Variants in PARD3 observed in about 807,000 individuals in gnomAD.
PARD3 encodes the protein par-3 family cell polarity regulator.
Under a neutral mutation model 155.4 loss-of-function variants are expected in PARD3, and 75 were observed. The observed-to-expected ratio is 0.48, with a 90% CI of 0.40 to 0.58. The LOEUF is 0.58. PARD3 is among the 20% of genes least tolerant of loss of function. PARD3 has a pLI of 0.00. For missense variants in PARD3, 1,642 were observed against 1,721.7 expected, an observed-to-expected ratio of 0.95 and a Z score of 0.82; for synonymous variants, 576 against 610.5, an observed-to-expected ratio of 0.94 and a Z score of 0.83.
chr10:34,331,269 ACTGCGGT>A lies in PARD3; in HGVS notation c.2674_2680del (p.Thr892LeufsTer4). The A allele has an allele frequency of 6.2e-7, 1 of 1,614,032 alleles. No homozygotes were observed. ...ATCCCCATTCAAAGTCACCTCGGCA[ACTGCGGT>A]CTGCAGACTCTCCAACGAGCTTGAC... is the stretch of plus-strand genomic sequence containing the variant. On this transcript the variant is annotated frameshift_variant, in exon 19 of 25. Transcript: ENST00000374788. LOFTEE classifies it high-confidence loss of function.
chr10:34,206,134 T>C (rs953665109), intron 22 of PARD3, among the ~76,000 whole-genome samples: 24 of 152,032 alleles, frequency 1.6e-4, no homozygotes, highest in African/African-American at 5.3e-4. Context: ...CTTAAGTCCA[T>C]GGAAGGGAGG....
At chr10:34,285,802 A>G (rs1476410903) in intron 20 of PARD3, among the ~76,000 whole-genome samples, 2 of 152,098 alleles carry the variant, frequency 1.3e-5, no homozygotes, top group Non-Finnish European at 2.9e-5. Flanking sequence ...AAATATGGAA[A>G]GGAAAGTATT....
At chr10:34,541,630 C>T (rs954788214) in intron 2 of PARD3, among the ~76,000 whole-genome samples, 1 of 152,176 alleles carries the variant, frequency 6.6e-6, no homozygotes, top group Non-Finnish European at 1.5e-5. Flanking sequence ...AGGGAGGAGG[C>T]CCCTGGGAAG....
chr10:34,281,193 T>C (rs996555092), intron 21 of PARD3, among the ~76,000 whole-genome samples: 14 of 152,098 alleles, frequency 9.2e-5, no homozygotes, highest in South Asian at 8.3e-4. Context: ...AAACCTTTCA[T>C]GTGGTGGAAA....
chr10:34,170,265 T>G (rs1949723950), intron 22 of PARD3, among the ~76,000 whole-genome samples: 1 of 152,104 alleles, frequency 6.6e-6, no homozygotes, highest in Admixed American at 6.5e-5. Context: ...TTTTAAAATT[T>G]CTTGTAGAGA....
intron 21 of PARD3, among the ~76,000 whole-genome samples, chr10:34,280,585 G>C (rs944843509): frequency 1.3e-5 from 2 of 152,190 alleles, no homozygotes; most frequent in African/African-American, 4.8e-5. Flanking sequence ...ACAGAAGCCA[G>C]AAAGTAGAGA....
intron 2 of PARD3, chr10:34,675,872 T>C: frequency 5.0e-6 from 1 of 200,130 alleles, no homozygotes; most frequent in Non-Finnish European, 1.1e-5. Context: ...CACGCGCTCA[T>C]CACAGTTGGA....
At chr10:34,767,040 G>GACTCCA (rs1838192103) in intron 1 of PARD3, among the ~76,000 whole-genome samples, 1 of 152,168 alleles carries the variant, frequency 6.6e-6, no homozygotes, top group Non-Finnish European at 1.5e-5. Flanking sequence ...CTCCTGCAGT[G>GACTCCA]TCATTCATAA....
chr10:34,624,977 AG>A (rs1293596731), intron 2 of PARD3, among the ~76,000 whole-genome samples: 2 of 152,188 alleles, frequency 1.3e-5, no homozygotes, highest in African/African-American at 4.8e-5. Context: ...TGGGCTGCAA[AG>A]ACATACAAGA....
chr10:34,219,454 A>AC lies in PARD3; in HGVS notation c.3419+50202dup, dbSNP rs34287689. ...CTCTTCCACTTTAGCGGGGGTATGC[A>AC]CCCCCCTCTTAATTATGAAACAAAG... is the stretch of plus-strand genomic sequence containing the variant. On this transcript the variant is annotated intron_variant, in intron 22 of 24. Transcript: ENST00000374788. 5.6e-4 allele frequency among the ~76,000 whole-genome samples: 86 copies of AC among 152,256 alleles called. 2 individuals are homozygous for AC. The East Asian group carries it at 0.014, about 26-fold the overall frequency.
At chr10:34,662,921 A>T (rs1564475311) in intron 2 of PARD3, among the ~76,000 whole-genome samples, 2 of 151,718 alleles carry the variant, frequency 1.3e-5, no homozygotes, top group Non-Finnish European at 2.9e-5. Flanking sequence ...TAAGTGAAAC[A>T]AGCCAGGCAC....
At chr10:34,601,549 G>A (rs959047331) in intron 2 of PARD3, among the ~76,000 whole-genome samples, 1 of 152,128 alleles carries the variant, frequency 6.6e-6, no homozygotes, top group Non-Finnish European at 1.5e-5. Flanking sequence ...TTTTTCACAT[G>A]GAAGTTAATT....
At chr10:34,355,019 G>C (rs1245233557) in intron 14 of PARD3, among the ~76,000 whole-genome samples, 1 of 152,174 alleles carries the variant, frequency 6.6e-6, no homozygotes, top group Non-Finnish European at 1.5e-5. Flanking sequence ...TGGGAGAGGG[G>C]AAAGAGGGGA....
rs117905303 is a variant in PARD3, at chr10:34,183,980, C to G, written c.3420-52397G>C. Among the ~76,000 whole-genome samples, 412 of 152,276 alleles carry G rather than the reference C, an allele frequency of 2.7e-3. 9 individuals are homozygous for G. The East Asian group carries it at 0.071, about 26-fold the overall frequency. On this transcript the variant is annotated intron_variant, in intron 22 of 24. Transcript: ENST00000374788. ...TATAGGTGTGCGCCATCATGGCTGGCTAATTTTTGTATTTTTTGTAGAGAC... is the reference window on the plus strand; with the variant it reads ...TATAGGTGTGCGCCATCATGGCTGGGTAATTTTTGTATTTTTTGTAGAGAC...
intron 1 of PARD3, among the ~76,000 whole-genome samples, chr10:34,730,958 C>T (rs1022281594): frequency 1.3e-5 from 2 of 152,132 alleles, no homozygotes; most frequent in Non-Finnish European, 2.9e-5. Context: ...CAATTTGACC[C>T]GGTTATATAG....
At chr10:34,656,933 T>C (rs1367293693) in intron 2 of PARD3, among the ~76,000 whole-genome samples, 1 of 152,174 alleles carries the variant, frequency 6.6e-6, no homozygotes, top group Non-Finnish European at 1.5e-5. Context: ...TGTAAACATG[T>C]TGTGAGGAAA....
At chr10:34,636,930 G>A (rs1433873751) in intron 2 of PARD3, among the ~76,000 whole-genome samples, 2 of 152,190 alleles carry the variant, frequency 1.3e-5, no homozygotes, top group East Asian at 1.9e-4. Flanking sequence ...AATGCCTACC[G>A]AGTCTTATCC....
chr10:34,656,246 T>TA (rs891805777), intron 2 of PARD3, among the ~76,000 whole-genome samples: 146 of 151,532 alleles, frequency 9.6e-4, no homozygotes, highest in African/African-American at 2.6e-3. Flanking sequence ...ACCTTCAAGA[T>TA]AAAAAAAAAC....
intron 14 of PARD3, among the ~76,000 whole-genome samples, chr10:34,352,140 A>G (rs1386768270): frequency 6.6e-6 from 1 of 152,248 alleles, no homozygotes; most frequent in Admixed American, 6.5e-5. Context: ...AATGCCTGGA[A>G]GCTATGTTAA....
Sources: gnomAD v4.1 joint callset for allele counts (sites outside exome capture counted in the v4.1 genomes callset) on GRCh38, gnomAD v4.1.1 for gene constraint, MANE v1.5 for transcripts, NCBI Gene and HGNC (gene_info 2026-07-23, HGNC 2026-07-21) for gene names.